The following MACROD2 variants were observed in gnomAD, a reference collection of about 807,000 sequenced individuals.
The protein encoded by MACROD2 is mono-ADP ribosylhydrolase 2.
A neutral mutation model predicts 70.4 loss-of-function variants in MACROD2; 36 were observed. The ratio of observed to expected loss-of-function variants is 0.51; its 90% confidence interval spans 0.39 to 0.68. The LOEUF is 0.68. MACROD2 is among the 30% of genes least tolerant of loss of function. The pLI, the probability that MACROD2 is intolerant of heterozygous loss-of-function variation, is 0.00. For missense variants in MACROD2, 496 were observed against 538.4 expected (o/e 0.92, Z 0.78); for synonymous variants, 172 against 178.8 (o/e 0.96, Z 0.30).
rs145394472 is a variant in MACROD2, at chr20:15,216,352, A to T, written c.419-13588A>T. On this transcript the variant is annotated intron_variant, in intron 5 of 17. Coordinates refer to ENST00000684519, the MANE Select transcript of MACROD2 (RefSeq NM_001351661.2). ...CTATGTACCCACAAAATTAAAAATT[A>T]AAAAATTTAAAAACTGAGAAAAGAA... Among the ~76,000 whole-genome samples, 1,510 of 152,200 alleles carry T rather than the reference A, an allele frequency of 9.9e-3. 8 individuals are homozygous for T. The highest frequency in any genetic ancestry group is 0.022 in the South Asian group (105 of 4,830).
chr20:15,185,999 A>T (rs2145908227), intron 5 of MACROD2, among the ~76,000 whole-genome samples: 1 of 152,298 alleles, frequency 6.6e-6, no homozygotes, highest in African/African-American at 2.4e-5. Context: ...TTATGTCAAC[A>T]AAAGACTGGG....
intron 5 of MACROD2, among the ~76,000 whole-genome samples, chr20:15,011,987 G>A (rs1047706218): frequency 6.6e-6 from 1 of 152,150 alleles, no homozygotes; most frequent in Non-Finnish European, 1.5e-5. Context: ...CAAACAAATA[G>A]GGTGTTTTGG....
At chr20:15,675,814 A>C (rs999611172) in intron 8 of MACROD2, among the ~76,000 whole-genome samples, 4 of 152,188 alleles carry the variant, frequency 2.6e-5, no homozygotes, top group African/African-American at 9.7e-5. Context: ...TTTGTTACAT[A>C]ACCTTCAGGA....
intron 8 of MACROD2, among the ~76,000 whole-genome samples, chr20:15,747,705 C>T (rs906530858): frequency 2.6e-4 from 40 of 151,802 alleles, no homozygotes; most frequent in African/African-American, 9.7e-4. Flanking sequence ...TTTGTCAATT[C>T]TCAGATTTTC....
rs182473535 is a variant in MACROD2, at chr20:14,170,374, G to C, written c.271+84646G>C. On this transcript the variant is annotated intron_variant, in intron 3 of 17. Coordinates refer to ENST00000684519, the MANE Select transcript of MACROD2 (RefSeq NM_001351661.2). ...CTGATAGCTCTGGCTAGGACTTCCA[G>C]TACTATGTTGAATATAGGTGATGAG... Among the ~76,000 whole-genome samples, 435 of 152,248 alleles carry C rather than the reference G, an allele frequency of 2.9e-3. 5 individuals carry two copies. Among genetic ancestry groups the C allele is most frequent in the African/African-American group, 9.8e-3 (408 of 41,550 alleles).
intron 4 of MACROD2, among the ~76,000 whole-genome samples, chr20:14,675,024 T>G (rs947340819): frequency 6.6e-6 from 1 of 152,144 alleles, no homozygotes; most frequent in Non-Finnish European, 1.5e-5. Flanking sequence ...AAAAACTGTT[T>G]AGAAAATCAT....
intron 5 of MACROD2, among the ~76,000 whole-genome samples, chr20:14,832,681 T>C (rs2072985027): frequency 1.3e-5 from 2 of 152,168 alleles, no homozygotes; most frequent in African/African-American, 4.8e-5. Flanking sequence ...CCTGTTTGCA[T>C]CTCAGTTAAA....
chr20:15,227,821 C>CTTTT (rs1336974761), intron 5 of MACROD2, among the ~76,000 whole-genome samples: 7 of 13,876 alleles, frequency 5.0e-4, no homozygotes, highest in African/African-American at 3.0e-3. Context: ...AGAATTTCAC[C>CTTTT]TGTTTTTTTT....
intron 5 of MACROD2, among the ~76,000 whole-genome samples, chr20:14,766,368 G>A (rs998975790): frequency 6.6e-6 from 1 of 152,002 alleles, no homozygotes; most frequent in South Asian, 2.1e-4. Flanking sequence ...ACTATTATTA[G>A]CTGAAAAAGA....
chr20:15,873,096 T>A (rs1305568224), intron 9 of MACROD2, among the ~76,000 whole-genome samples: 1 of 152,160 alleles, frequency 6.6e-6, no homozygotes, highest in Non-Finnish European at 1.5e-5. Context: ...ATCCTCATTT[T>A]AAAAAATACT....
chr20:14,980,310 G>A (rs2074785345), intron 5 of MACROD2, among the ~76,000 whole-genome samples: 1 of 152,090 alleles, frequency 6.6e-6, no homozygotes, highest in Non-Finnish European at 1.5e-5. Flanking sequence ...TGACTTGAAA[G>A]AGAGACCTGA....
chr20:15,627,285 G>A (rs2049218423), intron 8 of MACROD2, among the ~76,000 whole-genome samples: 1 of 150,722 alleles, frequency 6.6e-6, no homozygotes, highest in African/African-American at 2.4e-5. Context: ...AATATGCTGA[G>A]TATTAAGTTT....
chr20:14,884,298 AG>A (rs2122478970), intron 5 of MACROD2: 1 of 152,448 alleles, frequency 6.6e-6, no homozygotes, highest in Admixed American at 6.5e-5. Context: ...ACAAATCTGC[AG>A]TTTGGGCAGG....
intron 5 of MACROD2, among the ~76,000 whole-genome samples, chr20:15,220,827 G>C (rs556126280): frequency 1.3e-5 from 2 of 152,220 alleles, no homozygotes; most frequent in African/African-American, 2.4e-5. Flanking sequence ...GCACAGACCT[G>C]TTTGGTGAGA....
intron 3 of MACROD2, among the ~76,000 whole-genome samples, chr20:14,333,355 A>G (rs926352175): frequency 7.9e-5 from 12 of 152,190 alleles, no homozygotes; most frequent in African/African-American, 2.9e-4. Context: ...GTAAAGTTAA[A>G]TCAAGCATCC....
At chr20:15,716,823 T>G (rs1303122823) in intron 8 of MACROD2, among the ~76,000 whole-genome samples, 1 of 152,072 alleles carries the variant, frequency 6.6e-6, no homozygotes, top group East Asian at 1.9e-4. Flanking sequence ...CTTTACATGA[T>G]TAGGAAAGGC....
chr20:14,365,059 A>G (rs1365978350), intron 3 of MACROD2, among the ~76,000 whole-genome samples: 1 of 152,150 alleles, frequency 6.6e-6, no homozygotes, highest in African/African-American at 2.4e-5. Context: ...ATTCATCTAA[A>G]TGTTAAATTC....
chr20:15,225,436 G>A (rs1482448682), intron 5 of MACROD2, among the ~76,000 whole-genome samples: 1 of 152,006 alleles, frequency 6.6e-6, no homozygotes, highest in East Asian at 1.9e-4. Flanking sequence ...AAAAATAAAA[G>A]CAGTGAAAAG....
chr20:14,182,491 A>G (rs1283436892), intron 3 of MACROD2, among the ~76,000 whole-genome samples: 13 of 152,026 alleles, frequency 8.6e-5, no homozygotes, highest in Non-Finnish European at 1.9e-4. Flanking sequence ...ATGAAGTCCA[A>G]TTTATCTATT....
Sources: allele counts gnomAD v4.1 joint callset (sites outside exome capture counted in the v4.1 genomes callset), GRCh38; gene constraint gnomAD v4.1.1; transcripts MANE v1.5; gene names NCBI Gene and HGNC (gene_info 2026-07-23, HGNC 2026-07-21).